Variants in ANKS1B observed in about 807,000 individuals in gnomAD.
ANKS1B encodes the protein ankyrin repeat and sterile alpha motif domain containing 1B.
In ANKS1B, 36 loss-of-function variants were observed where a neutral mutation model predicts 148.3. That is an observed-to-expected ratio of 0.24 (90% confidence interval 0.19 to 0.32). The LOEUF (loss-of-function observed/expected upper bound fraction) is 0.32, where lower values mean the gene tolerates loss of function less well. Among genes scored for constraint, ANKS1B ranks in the 10% least tolerant of loss-of-function variants. ANKS1B has a pLI of 1.00. For missense variants in ANKS1B, 1,157 were observed against 1,542.6 expected (o/e 0.75, Z 4.19); for synonymous variants, 542 against 560.8 (o/e 0.97, Z 0.47).
At chr12:99,613,231 AT>A (rs992694545) in intron 9 of ANKS1B, among the ~76,000 whole-genome samples, 2 of 152,160 alleles carry the variant, frequency 1.3e-5, no homozygotes, top group African/African-American at 4.8e-5. Flanking sequence ...AGAAAAAGAA[AT>A]GCTTATACCA....
At chr12:99,649,298 T>C in intron 9 of ANKS1B, 1 of 1,613,732 alleles carries the variant, frequency 6.2e-7, no homozygotes, top group Non-Finnish European at 8.5e-7. Context: ...GGATATGCCA[T>C]GAAGTTTTGT....
chr12:98,904,252 G>A (rs2099775987), intron 17 of ANKS1B, among the ~76,000 whole-genome samples: 1 of 152,104 alleles, frequency 6.6e-6, no homozygotes, highest in Non-Finnish European at 1.5e-5. Context: ...GTGACTGAGT[G>A]GAGGGTGAGG....
At chr12:99,876,922 C>G (rs538100117) in intron 1 of ANKS1B, among the ~76,000 whole-genome samples, 67 of 152,254 alleles carry the variant, frequency 4.4e-4, no homozygotes, top group African/African-American at 1.6e-3. Context: ...TGTGGCCACC[C>G]TTCTGCTGGT....
At chr12:99,662,230 T>C (rs1428921670) in intron 8 of ANKS1B, among the ~76,000 whole-genome samples, 1 of 152,220 alleles carries the variant, frequency 6.6e-6, no homozygotes, top group Admixed American at 6.5e-5. Context: ...ATAAATATAA[T>C]TCACTTCCTT....
intron 17 of ANKS1B, among the ~76,000 whole-genome samples, chr12:98,888,626 T>C (rs2099745528): frequency 1.3e-5 from 2 of 152,340 alleles, no homozygotes; most frequent in South Asian, 4.1e-4. Context: ...ACTGCACTTG[T>C]TCCCCCTGAC....
chr12:99,893,365 C>T (rs761449063), intron 1 of ANKS1B, among the ~76,000 whole-genome samples: 3 of 148,422 alleles, frequency 2.0e-5, no homozygotes, highest in East Asian at 2.0e-4. Flanking sequence ...GAGCCGAGAT[C>T]GCGCCACTGC....
chr12:99,829,246 C>G (rs930305325), intron 1 of ANKS1B, among the ~76,000 whole-genome samples: 1 of 151,904 alleles, frequency 6.6e-6, no homozygotes, highest in Non-Finnish European at 1.5e-5. Flanking sequence ...CGCGGTGGCT[C>G]ACGCCTGTAA....
chr12:99,581,657 G>C (rs368128929), intron 9 of ANKS1B, among the ~76,000 whole-genome samples: 7 of 152,020 alleles, frequency 4.6e-5, no homozygotes, highest in African/African-American at 1.2e-4. Flanking sequence ...TTGGGAGGCC[G>C]AGGCGGGTGG....
intron 14 of ANKS1B, among the ~76,000 whole-genome samples, chr12:99,200,606 T>C (rs968563103): frequency 5.3e-5 from 8 of 152,164 alleles, no homozygotes; most frequent in Non-Finnish European, 7.4e-5. Flanking sequence ...GCTCTATGTA[T>C]AGGTGGGGAA....
At chr12:99,955,305 T>C (rs570856478) in intron 1 of ANKS1B, among the ~76,000 whole-genome samples, 1 of 151,810 alleles carries the variant, frequency 6.6e-6, no homozygotes, top group African/African-American at 2.4e-5. Context: ...CCATCCTGGC[T>C]GACACGGTGA....
intron 11 of ANKS1B, among the ~76,000 whole-genome samples, chr12:99,410,466 G>A (rs567939157): frequency 2.6e-5 from 4 of 152,202 alleles, no homozygotes; most frequent in South Asian, 4.2e-4. Flanking sequence ...TCAGGAGATC[G>A]AGACCATCCC....
At chr12:99,509,532 T>A (rs1013645695) in intron 9 of ANKS1B, among the ~76,000 whole-genome samples, 1 of 151,874 alleles carries the variant, frequency 6.6e-6, no homozygotes, top group Non-Finnish European at 1.5e-5. Context: ...CAAATCCTAA[T>A]CCAGAGCAAG....
intron 15 of ANKS1B, among the ~76,000 whole-genome samples, chr12:99,152,360 T>C (rs1299828408): frequency 6.7e-6 from 1 of 150,202 alleles, no homozygotes; most frequent in Non-Finnish European, 1.5e-5. Flanking sequence ...TCTAAGTTAA[T>C]AATATTTTCT....
intron 3 of ANKS1B, among the ~76,000 whole-genome samples, chr12:99,809,442 T>C (rs951393775): frequency 6.7e-6 from 1 of 150,110 alleles, no homozygotes; most frequent in African/African-American, 2.4e-5. Context: ...TTTAAAGAAA[T>C]TGAAAATTTT....
intron 11 of ANKS1B, 119 bp from the exon 12 acceptor site, chr12:99,399,930 A>G: frequency 1.1e-6 from 1 of 884,000 alleles, no homozygotes; most frequent in Non-Finnish European, 1.8e-6. Flanking sequence ...TGGGTTTTAT[A>G]CTTAAAATAT....
At chr12:99,846,632 A>G (rs1467443182) in intron 1 of ANKS1B, among the ~76,000 whole-genome samples, 1 of 152,046 alleles carries the variant, frequency 6.6e-6, no homozygotes, top group Non-Finnish European at 1.5e-5. Flanking sequence ...TGCTCACCAT[A>G]GTTTCTTGAA....
intron 4 of ANKS1B, among the ~76,000 whole-genome samples, chr12:99,797,949 C>T (rs1189096930): frequency 2.0e-5 from 3 of 151,872 alleles, no homozygotes; most frequent in African/African-American, 7.3e-5. Context: ...TCCATGGAAG[C>T]TCAGTTGTGC....
intron 2 of ANKS1B, among the ~76,000 whole-genome samples, 200 bp from the exon 3 acceptor site, chr12:99,812,511 CCACACACACA>C (rs10539640): frequency 3.1e-3 from 393 of 126,086 alleles, no homozygotes; most frequent in Non-Finnish European, 4.8e-3. Flanking sequence ...TCACCCCATG[CCACACACACA>C]CACACACACA....
At chr12:99,272,240 G>A (rs879409448) in intron 12 of ANKS1B, among the ~76,000 whole-genome samples, 3 of 152,058 alleles carry the variant, frequency 2.0e-5, no homozygotes, top group Non-Finnish European at 4.4e-5. Flanking sequence ...AACTGTTGTC[G>A]AGCTTCAGAG....
Sources: gnomAD v4.1 joint callset for allele counts (sites outside exome capture counted in the v4.1 genomes callset) on GRCh38, gnomAD v4.1.1 for gene constraint, MANE v1.5 for transcripts, NCBI Gene and HGNC (gene_info 2026-07-23, HGNC 2026-07-21) for gene names.